Variants in EPHB2 observed in about 807,000 individuals in gnomAD.
EPHB2 encodes ephrin type-B receptor 2.
EPHB2 carries 18 observed loss-of-function variants against 96.4 expected under a neutral mutation model. That is an observed-to-expected ratio of 0.19 (90% confidence interval 0.13 to 0.28). EPHB2 has a LOEUF of 0.28. Among genes scored for constraint, EPHB2 ranks in the 10% least tolerant of loss-of-function variants. EPHB2 has a pLI of 1.00. For synonymous variants in EPHB2, 506 were observed against 534.1 expected, an observed-to-expected ratio of 0.95 and a Z score of 0.72; for missense variants, 989 against 1,355.4, an observed-to-expected ratio of 0.73 and a Z score of 4.25.
intron 1 of EPHB2, among the ~76,000 whole-genome samples, chr1:22,751,740 G>C (rs1644066258): frequency 6.6e-6 from 1 of 152,196 alleles, no homozygotes; most frequent in Admixed American, 6.5e-5. Context: ...ATCAAAGACA[G>C]TGGGCTGGGA....
rs780042871 is a variant in EPHB2, at chr1:22,917,633, G to A, written c.*4063G>A. ...CACTTATACACCTTAGTCCCATGAG[G>A]AAGGAGTATTCCCCCTGCATATTTT... On this transcript the variant is annotated 3_prime_UTR_variant, in exon 16 of 16. Coordinates refer to ENST00000374630, the MANE Select transcript of EPHB2 (RefSeq NM_017449.5). The A allele has an allele frequency of 6.6e-6, 1 of 152,232 alleles. No individual in the cohort carries two copies. 9.4% of individuals were successfully genotyped at this position (152,232 alleles called of 1,614,324 possible). A position where few individuals can be genotyped will look rare whatever the true frequency, so the allele number is the denominator to read the frequency against.
intron 1 of EPHB2, among the ~76,000 whole-genome samples, chr1:22,772,413 A>G (rs1347938518): frequency 1.3e-5 from 2 of 152,214 alleles, no homozygotes; most frequent in Admixed American, 6.5e-5. Flanking sequence ...GGTGTGTGCT[A>G]TGAGAGTCCT....
At chr1:22,884,085 C>G (rs1229091048) in intron 6 of EPHB2, among the ~76,000 whole-genome samples, 1 of 151,896 alleles carries the variant, frequency 6.6e-6, no homozygotes, top group East Asian at 1.9e-4. Context: ...TGAACATGGA[C>G]TCTGCCCCTC....
intron 1 of EPHB2, among the ~76,000 whole-genome samples, chr1:22,738,584 A>G (rs1278270080): frequency 6.6e-6 from 1 of 152,272 alleles, no homozygotes; most frequent in Non-Finnish European, 1.5e-5. Flanking sequence ...ATCTACAGAT[A>G]ACTTCCGTGT....
intron 3 of EPHB2, among the ~76,000 whole-genome samples, chr1:22,787,637 G>A (rs1312175784): frequency 2.6e-5 from 4 of 152,182 alleles, no homozygotes; most frequent in African/African-American, 4.8e-5. Context: ...TGCATCTGTA[G>A]TTCCAGCTAC....
chr1:22,823,625 G>T (rs1645183162), intron 3 of EPHB2, among the ~76,000 whole-genome samples: 2 of 152,208 alleles, frequency 1.3e-5, no homozygotes, highest in Non-Finnish European at 2.9e-5. Flanking sequence ...AATAGAAGTA[G>T]GTGATATAAT....
chr1:22,908,258 C>T (rs997808808), intron 12 of EPHB2, 90 bp downstream of exon 12: 9 of 1,483,744 alleles, frequency 6.1e-6, no homozygotes, highest in Non-Finnish European at 7.4e-6. Context: ...TTCACTAACG[C>T]CCAATTGGGC....
intron 1 of EPHB2, among the ~76,000 whole-genome samples, chr1:22,765,268 C>T (rs1017932888): frequency 4.6e-5 from 7 of 152,062 alleles, no homozygotes; most frequent in Admixed American, 1.3e-4. Flanking sequence ...TGAGTCTAGC[C>T]GGGTGCAGTG....
chr1:22,739,850 G>A (rs1643882657), intron 1 of EPHB2, among the ~76,000 whole-genome samples: 1 of 152,200 alleles, frequency 6.6e-6, no homozygotes, highest in South Asian at 2.1e-4. Flanking sequence ...CGGATTTGAT[G>A]AGTGATTCAT....
intron 1 of EPHB2, among the ~76,000 whole-genome samples, chr1:22,758,151 C>T (rs1464130532): frequency 1.4e-4 from 20 of 147,124 alleles, no homozygotes; most frequent in Admixed American, 1.3e-3. Flanking sequence ...ATCTCCTGAC[C>T]TCGTGATCCG....
At chr1:22,829,291 C>T (rs776048369) in intron 3 of EPHB2, among the ~76,000 whole-genome samples, 2 of 152,268 alleles carry the variant, frequency 1.3e-5, no homozygotes, top group Non-Finnish European at 2.9e-5. Flanking sequence ...CCCCTCCCCA[C>T]CCCTAGCACA....
chr1:22,882,910 C>T, intron 6 of EPHB2: 1 of 270,110 alleles, frequency 3.7e-6, no homozygotes, highest in Admixed American at 4.9e-5. Context: ...GCCTGCCCTG[C>T]TCTGAGTCCT....
intron 3 of EPHB2, among the ~76,000 whole-genome samples, chr1:22,828,593 G>A (rs1169163952): frequency 7.9e-5 from 12 of 152,164 alleles, no homozygotes; most frequent in African/African-American, 7.2e-5. Flanking sequence ...GGAAGGTGAC[G>A]AGGTCAGACA....
intron 3 of EPHB2, among the ~76,000 whole-genome samples, chr1:22,839,532 C>T (rs906535923): frequency 2.0e-5 from 3 of 152,050 alleles, no homozygotes; most frequent in Non-Finnish European, 2.9e-5. Context: ...TACACAAATC[C>T]CTGTGGGAAT....
At chr1:22,842,883 A>G (rs1645490149) in intron 3 of EPHB2, among the ~76,000 whole-genome samples, 1 of 151,532 alleles carries the variant, frequency 6.6e-6, no homozygotes, top group Non-Finnish European at 1.5e-5. Context: ...GTCTCAGCTC[A>G]GATGCCACAT....
At chr1:22,779,780 A>G (rs2148416932) in intron 1 of EPHB2, among the ~76,000 whole-genome samples, 1 of 152,352 alleles carries the variant, frequency 6.6e-6, no homozygotes, top group South Asian at 2.1e-4. Flanking sequence ...GACCAGGGAT[A>G]GCATCTCAAA....
chr1:22,725,977 C>T (rs557132720), intron 1 of EPHB2, among the ~76,000 whole-genome samples: 6 of 152,362 alleles, frequency 3.9e-5, no homozygotes, highest in African/African-American at 1.4e-4. Context: ...CACACTCCGT[C>T]TCCTCCAGAC....
chr1:22,863,022 TG>T lies in EPHB2; in HGVS notation c.812-14del. On this transcript the variant is annotated splice_polypyrimidine_tract_variant and intron_variant, in intron 3 of 15. Coordinates refer to ENST00000374630, the MANE Select transcript of EPHB2 (RefSeq NM_017449.5). ...CATCCAGTTTCCTGGTGACTCTCCT[TG>T]TCTTCTCTCTCAGGTTGTCCATCTG... is the stretch of plus-strand genomic sequence containing the variant. The T allele has an allele frequency of 6.2e-7, 1 of 1,614,156 alleles. No homozygotes were observed. Among genetic ancestry groups the T allele is most frequent in the Non-Finnish European group, 8.5e-7 (1 of 1,180,024 alleles).
chr1:22,759,080 C>T (rs1014189101), intron 1 of EPHB2, among the ~76,000 whole-genome samples: 13 of 152,090 alleles, frequency 8.5e-5, no homozygotes, highest in African/African-American at 2.7e-4. Context: ...CAGAAAATGA[C>T]AGAATCAGAT....
Sources: allele counts gnomAD v4.1 joint callset (sites outside exome capture counted in the v4.1 genomes callset), GRCh38; gene constraint gnomAD v4.1.1; transcripts MANE v1.5; gene names NCBI Gene and HGNC (gene_info 2026-07-23, HGNC 2026-07-21).